CRIM1: variants seen among roughly 807,000 people sequenced by gnomAD.
CRIM1 encodes cysteine rich transmembrane BMP regulator 1.
CRIM1 carries 32 observed loss-of-function variants against 116.4 expected under a neutral mutation model. The observed-to-expected ratio is 0.27, with a 90% CI of 0.21 to 0.37. The LOEUF is 0.37. Among genes scored for constraint, CRIM1 ranks in the 10% least tolerant of loss-of-function variants. CRIM1 has a pLI of 1.00. For synonymous variants in CRIM1, 590 were observed against 509.2 expected (o/e 1.16, Z -2.13); for missense variants, 1,331 against 1,354.8 (o/e 0.98, Z 0.28).
Position 36,464,687 on chromosome 2 carries a change from G to A in CRIM1, c.991+32G>A, listed in dbSNP as rs376075839. 1.8e-5 allele frequency: 29 copies of A among 1,609,462 alleles called. No individual in the cohort carries two copies. The African/African-American group carries it at 3.3e-4, about 19-fold the overall frequency. On this transcript the variant is annotated intron_variant, in intron 5 of 16. Transcript: ENST00000280527. ...GGGGTTTCTCTTGTTCTCAGAGAGT[G>A]TACATTTGTGCAGAGGAGGAGGAGG... is the stretch of plus-strand genomic sequence containing the variant.
rs1362859747 is a variant in CRIM1, at chr2:36,454,120, C to A, written c.870-10414C>A. On this transcript the variant is annotated intron_variant, in intron 4 of 16. Coordinates refer to ENST00000280527, the MANE Select transcript of CRIM1 (RefSeq NM_016441.3). ...GTATGGTAGGCAAGGCCCCATATTA[C>A]TCAGCCCTGACCTCCCTCTCTGGCC... Among the ~76,000 whole-genome samples, 3 of 152,174 alleles carry A rather than the reference C, an allele frequency of 2.0e-5. No individual in the cohort carries two copies. In the East Asian group the frequency reaches 5.8e-4, roughly 29 times the overall value.
At chr2:36,394,930 T>C (rs1379318884) in intron 1 of CRIM1, among the ~76,000 whole-genome samples, 2 of 152,078 alleles carry the variant, frequency 1.3e-5, no homozygotes, top group Non-Finnish European at 2.9e-5. Context: ...GAGCAGACTT[T>C]TACTTCACTT....
At chr2:36,390,322 C>T in intron 1 of CRIM1, among the ~76,000 whole-genome samples, 1 of 152,290 alleles carries the variant, frequency 6.6e-6, no homozygotes, top group South Asian at 2.1e-4. Context: ...AAGACCTATG[C>T]ATCTGTGTGT....
At chr2:36,375,481 C>T (rs1390419925) in intron 1 of CRIM1, among the ~76,000 whole-genome samples, 2 of 152,136 alleles carry the variant, frequency 1.3e-5, no homozygotes, top group African/African-American at 4.8e-5. Flanking sequence ...ATGAAATCAC[C>T]AGGCTTCAAA....
chr2:36,503,766 C>T (rs1681177943), intron 8 of CRIM1, among the ~76,000 whole-genome samples: 1 of 152,038 alleles, frequency 6.6e-6, no homozygotes, highest in South Asian at 2.1e-4. Flanking sequence ...GTCCCAAATT[C>T]ACCCTTACAT....
chr2:36,461,421 C>T (rs977891868), intron 4 of CRIM1, among the ~76,000 whole-genome samples: 2 of 152,140 alleles, frequency 1.3e-5, no homozygotes, highest in Admixed American at 1.3e-4. Flanking sequence ...GTGGTGAGGA[C>T]GGTACAGGTT....
chr2:36,465,509 C>G (rs770137573), intron 5 of CRIM1, among the ~76,000 whole-genome samples: 5 of 152,220 alleles, frequency 3.3e-5, no homozygotes, highest in Non-Finnish European at 4.4e-5. Context: ...ATATCAAATA[C>G]TTCCTGTAGG....
intron 2 of CRIM1, among the ~76,000 whole-genome samples, chr2:36,402,742 G>C (rs1672512528): frequency 6.6e-6 from 1 of 150,550 alleles, no homozygotes; most frequent in Non-Finnish European, 1.5e-5. Flanking sequence ...GATACCATTG[G>C]AAATAGAATT....
chr2:36,530,764 T>G (rs1666057741), intron 13 of CRIM1, among the ~76,000 whole-genome samples: 1 of 152,172 alleles, frequency 6.6e-6, no homozygotes. Context: ...TCACTGAAGT[T>G]TTCTGTAAAT....
chr2:36,532,728 G>A (rs1666201375), intron 13 of CRIM1, among the ~76,000 whole-genome samples: 1 of 152,142 alleles, frequency 6.6e-6, no homozygotes, highest in Non-Finnish European at 1.5e-5. Flanking sequence ...TCCTCACCCT[G>A]CCACTTCCTA....
chr2:36,357,813 G>C (rs1015169529), intron 1 of CRIM1, among the ~76,000 whole-genome samples: 1 of 152,194 alleles, frequency 6.6e-6, no homozygotes, highest in African/African-American at 2.4e-5. Flanking sequence ...CTCACAGCCA[G>C]CACCGTCCAG....
intron 1 of CRIM1, among the ~76,000 whole-genome samples, chr2:36,373,548 G>T (rs1201044291): frequency 6.6e-6 from 1 of 152,148 alleles, no homozygotes; most frequent in Non-Finnish European, 1.5e-5. Flanking sequence ...GGGGAGAAAA[G>T]GTCACATTTG....
At chr2:36,432,497 A>G (rs891993205) in intron 2 of CRIM1, among the ~76,000 whole-genome samples, 3 of 152,122 alleles carry the variant, frequency 2.0e-5, no homozygotes, top group Non-Finnish European at 4.4e-5. Flanking sequence ...ACTGTTTTAA[A>G]ATTCAGTAGG....
intron 4 of CRIM1, 75 bp from the exon 5 acceptor site, chr2:36,464,459 A>C: frequency 1.3e-6 from 2 of 1,555,260 alleles, no homozygotes; most frequent in Non-Finnish European, 1.8e-6. Flanking sequence ...AGCCACTGCC[A>C]CTTTGTTTGT....
At chr2:36,361,695 A>G (rs549108253) in intron 1 of CRIM1, among the ~76,000 whole-genome samples, 1 of 152,190 alleles carries the variant, frequency 6.6e-6, no homozygotes, top group Non-Finnish European at 1.5e-5. Context: ...CTCCCAGGCT[A>G]TGGTGCAAGC....
intron 6 of CRIM1, among the ~76,000 whole-genome samples, chr2:36,477,964 T>G (rs1679115032): frequency 6.6e-6 from 1 of 152,210 alleles, no homozygotes; most frequent in South Asian, 2.1e-4. Flanking sequence ...GAAGGTCTTG[T>G]GAGCCTTCCT....
intron 11 of CRIM1, 60 bp from the exon 12 acceptor site, chr2:36,517,267 T>C (rs530666231): frequency 2.1e-5 from 30 of 1,397,622 alleles, no homozygotes; most frequent in Non-Finnish European, 2.8e-5. Context: ...AGCACCAGGC[T>C]TTCAAGAGTT....
intron 13 of CRIM1, among the ~76,000 whole-genome samples, chr2:36,525,851 T>A (rs1665723828): frequency 6.6e-6 from 1 of 152,216 alleles, no homozygotes; most frequent in Admixed American, 6.5e-5. Flanking sequence ...GTATCCTTTT[T>A]TCCTACTGTA....
chr2:36,542,156 T>G (rs921994213), intron 14 of CRIM1, among the ~76,000 whole-genome samples: 1 of 152,106 alleles, frequency 6.6e-6, no homozygotes, highest in Non-Finnish European at 1.5e-5. Context: ...CAGGACAGGT[T>G]ATGAGCTGCT....
Sources: allele counts gnomAD v4.1 joint callset (sites outside exome capture counted in the v4.1 genomes callset), GRCh38; gene constraint gnomAD v4.1.1; transcripts MANE v1.5; gene names NCBI Gene and HGNC (gene_info 2026-07-23, HGNC 2026-07-21).